LIN52: variants seen among roughly 807,000 people sequenced by gnomAD.
LIN52 encodes lin-52 DREAM MuvB core complex component.
Under a neutral mutation model 18.5 loss-of-function variants are expected in LIN52, and 4 were observed. The observed-to-expected ratio is 0.22, with a 90% CI of 0.11 to 0.49. The LOEUF is 0.49. Ranked by LOEUF, LIN52 falls within the 20% of genes least tolerant of loss-of-function variation. LIN52 has a pLI of 0.97. For missense variants in LIN52, 102 were observed against 139.5 expected, an observed-to-expected ratio of 0.73 and a Z score of 1.35; for synonymous variants, 34 against 45.5, an observed-to-expected ratio of 0.75 and a Z score of 1.02.
chr14:74,085,789 C>T (rs1406186882), intron 1 of LIN52, among the ~76,000 whole-genome samples: 2 of 152,158 alleles, frequency 1.3e-5, no homozygotes, highest in Non-Finnish European at 2.9e-5. Context: ...TTTTTAAACT[C>T]ATTTTTAGTT....
rs200491155 is a variant in LIN52, at chr14:74,101,254, G to A, written c.283+16G>A. ...CTGGATGAGTGTGAGTACCCCGATC[G>A]CATTTGTTCAGGGGTGTATTCCACC... is the stretch of plus-strand genomic sequence containing the variant. On this transcript the variant is annotated intron_variant, in intron 5 of 5. Coordinates refer to ENST00000555028, the MANE Select transcript of LIN52 (RefSeq NM_001024674.3). 3.0e-4 allele frequency: 468 copies of A among 1,584,476 alleles called. No individual in the cohort carries two copies. Among genetic ancestry groups the A allele is most frequent in the Non-Finnish European group, 3.7e-4 (436 of 1,166,056 alleles).
At chr14:74,095,213 G>A (rs532515846) in intron 2 of LIN52, among the ~76,000 whole-genome samples, 41 of 146,854 alleles carry the variant, frequency 2.8e-4, no homozygotes, top group African/African-American at 1.0e-3. Context: ...GTGCAGTGGT[G>A]TGATCATGGC....
intron 5 of LIN52, among the ~76,000 whole-genome samples, chr14:74,172,490 A>G (rs2061276095): frequency 6.6e-6 from 1 of 152,190 alleles, no homozygotes; most frequent in Admixed American, 6.5e-5. Flanking sequence ...AAATGTTAAT[A>G]ATTATGGTTC....
chr14:74,136,116 A>G (rs961197646), intron 5 of LIN52, among the ~76,000 whole-genome samples: 1 of 152,372 alleles, frequency 6.6e-6, no homozygotes, highest in South Asian at 2.1e-4. Flanking sequence ...AACAAATACA[A>G]TAATCTAAAA....
At chr14:74,176,667 T>C (rs566249836) in intron 5 of LIN52, among the ~76,000 whole-genome samples, 1 of 152,304 alleles carries the variant, frequency 6.6e-6, no homozygotes, top group East Asian at 1.9e-4. Flanking sequence ...TAGGAATTTT[T>C]AAGTTCCATT....
At chr14:74,175,711 TACACACACACACACACACACAC>T (rs35602442) in intron 5 of LIN52, among the ~76,000 whole-genome samples, 2 of 86,326 alleles carry the variant, frequency 2.3e-5, no homozygotes, top group African/African-American at 3.8e-5. Context: ...CACAGACACA[TACACACACACACACACACACAC>T]ACACACACAC....
At chr14:74,103,542 C>A (rs1359830654) in intron 5 of LIN52, among the ~76,000 whole-genome samples, 1 of 150,492 alleles carries the variant, frequency 6.6e-6, no homozygotes, top group Non-Finnish European at 1.5e-5. Context: ...AAGCGATTCT[C>A]CTGCCTCAGC....
chr14:74,107,663 C>T (rs559261139), intron 5 of LIN52, among the ~76,000 whole-genome samples: 1 of 152,080 alleles, frequency 6.6e-6, no homozygotes, highest in Non-Finnish European at 1.5e-5. Flanking sequence ...TTTTTCAGCC[C>T]ATAGCCCATA....
chr14:74,114,537 A>G (rs1052153297), intron 5 of LIN52: 20 of 585,368 alleles, frequency 3.4e-5, no homozygotes, highest in East Asian at 1.4e-4. Flanking sequence ...AGAGCTTACC[A>G]TGATGTTTTA....
intron 5 of LIN52, among the ~76,000 whole-genome samples, chr14:74,193,247 C>CAAAA (rs55829983): frequency 2.1e-5 from 3 of 139,540 alleles, no homozygotes; most frequent in Non-Finnish European, 3.1e-5. Flanking sequence ...CCTGTCTCCA[C>CAAAA]AAAAAAAAAA....
chr14:74,182,222 G>A (rs879291067), intron 5 of LIN52, among the ~76,000 whole-genome samples: 5 of 152,120 alleles, frequency 3.3e-5, no homozygotes, highest in Non-Finnish European at 5.9e-5. Context: ...GTGTTGCCCA[G>A]GCTGTTCTGA....
intron 2 of LIN52, among the ~76,000 whole-genome samples, chr14:74,092,824 C>T (rs58651306): frequency 4.6e-5 from 7 of 151,514 alleles, no homozygotes; most frequent in Non-Finnish European, 5.9e-5. Flanking sequence ...GGCTAAGGCA[C>T]GAGAATTGCC....
Position 74,104,792 on chromosome 14 carries a change from T to G in LIN52, c.283+3554T>G, listed in dbSNP as rs1272060753. ...TCAACAAAACCCAGAATTTGAAAAA[T>G]CTACAGAACAAATGACTAGGCTTAA... On this transcript the variant is annotated intron_variant, in intron 5 of 5. Transcript: ENST00000555028. Among the ~76,000 whole-genome samples the G allele has an allele frequency of 2.0e-5, 3 of 151,720 alleles. No homozygotes were observed. The East Asian group carries it at 5.9e-4, about 30-fold the overall frequency.
intron 5 of LIN52, among the ~76,000 whole-genome samples, chr14:74,166,992 G>C (rs1427799334): frequency 6.6e-6 from 1 of 151,970 alleles, no homozygotes; most frequent in East Asian, 1.9e-4. Flanking sequence ...AGGAGAGCAG[G>C]TGTTGCTGGG....
chr14:74,176,150 C>G (rs2061293456), intron 5 of LIN52, among the ~76,000 whole-genome samples: 1 of 152,156 alleles, frequency 6.6e-6, no homozygotes, highest in South Asian at 2.1e-4. Flanking sequence ...CCTGTAGGAG[C>G]TGCCTGAGGC....
At chr14:74,105,250 G>C (rs1227675683) in intron 5 of LIN52, among the ~76,000 whole-genome samples, 1 of 152,070 alleles carries the variant, frequency 6.6e-6, no homozygotes, top group African/African-American at 2.4e-5. Flanking sequence ...TAAGGCTTTG[G>C]GGGTGGGGGT....
At chr14:74,180,163 A>G (rs1267694539) in intron 5 of LIN52, among the ~76,000 whole-genome samples, 2 of 152,040 alleles carry the variant, frequency 1.3e-5, no homozygotes, top group Non-Finnish European at 2.9e-5. Flanking sequence ...CTTGTGGGGG[A>G]AAGTACTCCA....
At chr14:74,128,808 G>A (rs1269324348) in intron 5 of LIN52, among the ~76,000 whole-genome samples, 2 of 152,090 alleles carry the variant, frequency 1.3e-5, no homozygotes, top group Admixed American at 6.6e-5. Flanking sequence ...GCCTGCTGTG[G>A]TGGTGCACGC....
chr14:74,197,200 T>G (rs960125536), intron 5 of LIN52, among the ~76,000 whole-genome samples: 2 of 152,210 alleles, frequency 1.3e-5, no homozygotes. Flanking sequence ...TTTTTTGCAT[T>G]TCTACTTGGT....
Sources: allele counts gnomAD v4.1 joint callset (sites outside exome capture counted in the v4.1 genomes callset), GRCh38; gene constraint gnomAD v4.1.1; transcripts MANE v1.5; gene names NCBI Gene and HGNC (gene_info 2026-07-23, HGNC 2026-07-21).